The following RALGAPA1 variants were observed in gnomAD, a reference collection of about 807,000 sequenced individuals.
The protein encoded by RALGAPA1 is Ral GTPase activating protein catalytic subunit alpha 1.
RALGAPA1 carries 52 observed loss-of-function variants against 269.6 expected under a neutral mutation model. The ratio of observed to expected loss-of-function variants is 0.19; its 90% CI spans 0.15 to 0.24. The LOEUF (loss-of-function observed/expected upper bound fraction) is 0.24, where lower values mean the gene tolerates loss of function less well. RALGAPA1 is among the 10% of genes least tolerant of loss of function. The probability of loss-of-function intolerance (pLI) is 1.00; values close to 1 mark genes in which losing one functional copy is unlikely to be tolerated. For missense variants in RALGAPA1, 1,917 were observed against 3,013.9 expected, an observed-to-expected ratio of 0.64 and a Z score of 8.52; for synonymous variants, 817 against 1,008.3, an observed-to-expected ratio of 0.81 and a Z score of 3.60.
intron 1 of RALGAPA1, among the ~76,000 whole-genome samples, chr14:35,776,931 C>T (rs1036744811): frequency 6.6e-6 from 1 of 151,868 alleles, no homozygotes; most frequent in African/African-American, 2.4e-5. Context: ...TCAAAGTGGC[C>T]TGGTTCTCTC....
chr14:35,673,356 G>A (rs903520774), intron 24 of RALGAPA1, among the ~76,000 whole-genome samples: 1 of 152,168 alleles, frequency 6.6e-6, no homozygotes, highest in East Asian at 1.9e-4. Context: ...AGGAGTTTGA[G>A]ACCAGCCTGG....
chr14:35,621,572 A>C (rs1262581761), intron 35 of RALGAPA1, among the ~76,000 whole-genome samples: 2 of 152,224 alleles, frequency 1.3e-5, no homozygotes, highest in South Asian at 4.1e-4. Flanking sequence ...CAGAGTGAAC[A>C]GGCAACCTAC....
At chr14:35,677,777 A>G in intron 22 of RALGAPA1, 173 bp downstream of exon 22, 3 of 617,282 alleles carry the variant, frequency 4.9e-6, no homozygotes, top group Non-Finnish European at 8.3e-6. Flanking sequence ...CTCAGACAAC[A>G]AATATCTTTA....
chr14:35,738,548 G>T lies in RALGAPA1; in HGVS notation c.1552C>A (p.Gln518Lys). 6.2e-7 allele frequency: 1 copy of T among 1,612,482 alleles called. No individual in the cohort carries two copies. Among genetic ancestry groups the T allele is most frequent in the Non-Finnish European group, 8.5e-7 (1 of 1,179,566 alleles). Residue 518 changes from glutamine to lysine, a missense_variant, in exon 12 of 42, where the codon CAA (glutamine) becomes AAA (lysine). Coordinates refer to ENST00000680220, the MANE Select transcript of RALGAPA1 (RefSeq NM_001346249.2). ...GCCTGGGTACCAGCTCGTATGTTTT[G>T]TTCTGTGGCTTCTTCAGAGGCGTTA... is the stretch of plus-strand genomic sequence containing the variant. The part of the protein sequence containing the change: ...LHNASEEATE[Q>K]NIRAGTQAVL...
At chr14:35,776,361 G>C (rs1024515440) in intron 1 of RALGAPA1, among the ~76,000 whole-genome samples, 8 of 149,938 alleles carry the variant, frequency 5.3e-5, no homozygotes, top group Non-Finnish European at 1.2e-4. Flanking sequence ...AGCCTGGGAA[G>C]ACAGAGTGAG....
chr14:35,655,745 T>C (rs1004747684), intron 29 of RALGAPA1, 62 bp downstream of exon 29: 3 of 1,562,502 alleles, frequency 1.9e-6, no homozygotes, highest in African/African-American at 2.8e-5. Context: ...CCATTAATAT[T>C]TGGAGAAAAA....
chr14:35,699,320 T>G (rs941193900), intron 17 of RALGAPA1, among the ~76,000 whole-genome samples: 1 of 152,044 alleles, frequency 6.6e-6, no homozygotes, highest in Admixed American at 6.6e-5. Context: ...GGGAGGAGTG[T>G]GTGGTGATTG....
chr14:35,616,823 C>T (rs572913803), intron 35 of RALGAPA1, among the ~76,000 whole-genome samples: 1 of 152,110 alleles, frequency 6.6e-6, no homozygotes, highest in African/African-American at 2.4e-5. Context: ...TTCAGTATAG[C>T]AGTAGAGGTA....
At chr14:35,740,376 AC>A (rs1414555794) in intron 11 of RALGAPA1, among the ~76,000 whole-genome samples, 1 of 152,226 alleles carries the variant, frequency 6.6e-6, no homozygotes, top group African/African-American at 2.4e-5. Context: ...AATAAAAGAT[AC>A]CACTGGAATT....
At chr14:35,771,595 G>A (rs1033273985) in intron 3 of RALGAPA1, among the ~76,000 whole-genome samples, 2 of 152,126 alleles carry the variant, frequency 1.3e-5, no homozygotes, top group African/African-American at 4.8e-5. Flanking sequence ...GAAGGTATAT[G>A]TTTTCCTAAT....
intron 31 of RALGAPA1, among the ~76,000 whole-genome samples, chr14:35,638,507 A>G (rs1268977954): frequency 3.9e-5 from 6 of 152,332 alleles, no homozygotes; most frequent in African/African-American, 7.2e-5. Flanking sequence ...AAACAAAACC[A>G]TAATACCAGA....
chr14:35,684,445 T>C (rs531048657), intron 20 of RALGAPA1, among the ~76,000 whole-genome samples: 1 of 152,338 alleles, frequency 6.6e-6, no homozygotes, highest in Non-Finnish European at 1.5e-5. Context: ...TATGAGTGTG[T>C]GAAACAGTGG....
chr14:35,664,209 C>T (rs896033221), intron 27 of RALGAPA1, among the ~76,000 whole-genome samples: 27 of 152,152 alleles, frequency 1.8e-4, no homozygotes, highest in Admixed American at 2.0e-4. Flanking sequence ...GGATCTCCAT[C>T]CCAACTCCAT....
At chr14:35,765,061 C>A (rs1312143395) in intron 4 of RALGAPA1, among the ~76,000 whole-genome samples, 2 of 152,076 alleles carry the variant, frequency 1.3e-5, no homozygotes, top group African/African-American at 2.4e-5. Flanking sequence ...AATGGAAAAC[C>A]AAGTGTAGTA....
At chr14:35,606,120 T>C (rs2059583505) in intron 35 of RALGAPA1, among the ~76,000 whole-genome samples, 1 of 152,136 alleles carries the variant, frequency 6.6e-6, no homozygotes, top group African/African-American at 2.4e-5. Flanking sequence ...AGTACAGAGA[T>C]GAGTGAGAAA....
chr14:35,540,535 T>G (rs2053873030), intron 41 of RALGAPA1, among the ~76,000 whole-genome samples: 1 of 152,246 alleles, frequency 6.6e-6, no homozygotes, highest in Non-Finnish European at 1.5e-5. Flanking sequence ...TTTATTTCTA[T>G]AAATTATCAT....
At position 35,689,588 on chromosome 14, in the gene RALGAPA1, G is replaced by A; in HGVS notation, c.2823C>T (p.Ser941=). The A allele has an allele frequency of 8.0e-7, 1 of 1,242,762 alleles. No homozygotes were observed. Among genetic ancestry groups the A allele is most frequent in the Non-Finnish European group, 1.0e-6 (1 of 995,114 alleles). The allele number at this position is 1,242,762 out of a possible 1,614,324, so 77.0% of individuals were successfully genotyped here. The part of the protein sequence containing the change: ...IDLEGDDDLL[S]TLKEYFKENQ... ...TTTCCTTAAAATATTCTTTCAGGGT[G>A]GAAAGAAGATCATCATCTCCTTCAA... Residue 941 remains serine, a synonymous_variant, in exon 18 of 42, where the codon TCC becomes TCT. Coordinates refer to ENST00000680220, the MANE Select transcript of RALGAPA1 (RefSeq NM_001346249.2).
At chr14:35,670,077 G>A (rs768452825) in intron 26 of RALGAPA1, among the ~76,000 whole-genome samples, 1 of 152,198 alleles carries the variant, frequency 6.6e-6, no homozygotes, top group Admixed American at 6.5e-5. Context: ...CTAGGTGACT[G>A]TATCCACTTT....
In RALGAPA1 at chr14:35,688,716, G is replaced by A; in HGVS notation, c.3695C>T (p.Thr1232Ile). 6.8e-7 allele frequency: 1 copy of A among 1,473,644 alleles called. No individual in the cohort carries two copies. Among genetic ancestry groups the A allele is most frequent in the Non-Finnish European group, 8.9e-7 (1 of 1,118,752 alleles). The allele number at this position is 1,473,644 out of a possible 1,614,324, so 91.3% of individuals were successfully genotyped here. A position where few individuals can be genotyped will look rare whatever the true frequency, so the allele number is the denominator to read the frequency against. The part of the protein sequence containing the change: ...SVSSKTVKES[T>I]EIPTTILQKE... ...TTGTAATATGGTGGTGGGAATCTCT[G>A]TGGATTCCTTCACTGTTTTGCTGCT... The change falls in exon 18 of 42, where the codon ACA (threonine) becomes ATA (isoleucine). Residue 1232 changes from threonine (T) to isoleucine (I), a missense_variant. Physicochemically the swap from Thr to Ile is moderately conservative, Grantham distance 89. Transcript: ENST00000680220.
Sources: gnomAD v4.1 joint callset for allele counts (sites outside exome capture counted in the v4.1 genomes callset) on GRCh38, gnomAD v4.1.1 for gene constraint, MANE v1.5 for transcripts, NCBI Gene and HGNC (gene_info 2026-07-23, HGNC 2026-07-21) for gene names.